C22orf31: variants seen among roughly 807,000 people sequenced by gnomAD.
The protein encoded by C22orf31 is uncharacterized protein C22orf31.
A neutral mutation model predicts 15.0 loss-of-function variants in C22orf31; 11 were observed. The ratio of observed to expected loss-of-function variants is 0.73; its 90% CI spans 0.46 to 1.21. The LOEUF (loss-of-function observed/expected upper bound fraction) is 1.21. Ranked by LOEUF, C22orf31 falls within the 50% of genes most tolerant of loss-of-function variation. The pLI is 0.00. For missense variants in C22orf31, 340 were observed against 347.2 expected (o/e 0.98, Z 0.17); for synonymous variants, 132 against 133.3 (o/e 0.99, Z 0.07).
intron 1 of C22orf31, 110 bp from the exon 2 acceptor site, chr22:29,060,953 TC>T: frequency 1.1e-6 from 1 of 889,880 alleles, no homozygotes; most frequent in Non-Finnish European, 1.7e-6. Context: ...GGCCATTCCT[TC>T]CACCCAGTTC....
rs752604444 is a variant in C22orf31, at chr22:29,059,178, TTACTC to T, written c.433-1_436del. ...TAGTTTTTTCTCCTTTGAACTTTCT[TTACTC>T]TAGCCAGGAAGAAAGCAGAGAAGTC... On this transcript the variant is annotated splice_acceptor_variant and coding_sequence_variant, in exon 3 of 3. Coordinates refer to ENST00000216071, the MANE Select transcript of C22orf31 (RefSeq NM_015370.2). LOFTEE classifies it high-confidence loss of function. The T allele has an allele frequency of 9.4e-6, 15 of 1,601,578 alleles. No individual in the cohort carries two copies. Among genetic ancestry groups the T allele is most frequent in the Middle Eastern group, 1.7e-4 (1 of 6,036 alleles).
the C22orf31 span, chr22:29,073,080 C>A: frequency 1.9e-6 from 1 of 533,396 alleles, no homozygotes; most frequent in Non-Finnish European, 2.4e-6. This position sits in a 1 kb window ranked among gnomAD's most constrained non-coding sequence, Gnocchi z 4.4. Context: ...CGGCTCCCCG[C>A]GCTGCCCCCT....
chr22:29,071,546 G>A, the C22orf31 span, among the ~76,000 whole-genome samples: 6 of 152,112 alleles, frequency 3.9e-5, no homozygotes, highest in Non-Finnish European at 8.8e-5. Flanking sequence ...CACTGGTGCA[G>A]ATGTTCCCGC....
the C22orf31 span, among the ~76,000 whole-genome samples, chr22:29,070,063 A>G: frequency 2.0e-5 from 3 of 149,238 alleles, no homozygotes; most frequent in Admixed American, 2.0e-4. Flanking sequence ...CTCCTGTCTC[A>G]GCCTCCTGAG....
upstream of C22orf31, among the ~76,000 whole-genome samples, chr22:29,064,823 C>T (rs1166418331): frequency 6.7e-6 from 1 of 150,000 alleles, no homozygotes; most frequent in African/African-American, 2.5e-5. Context: ...AGCTGTGAAC[C>T]AACACACCTA....
the C22orf31 span, among the ~76,000 whole-genome samples, chr22:29,069,863 T>A: frequency 6.6e-6 from 1 of 152,066 alleles, no homozygotes; most frequent in African/African-American, 2.4e-5. Flanking sequence ...GCAACCTGTA[T>A]ATCAACATAG....
At chr22:29,060,919 G>A (rs2037384749) in intron 1 of C22orf31, 76 bp from the exon 2 acceptor site, 5 of 1,222,894 alleles carry the variant, frequency 4.1e-6, no homozygotes, top group South Asian at 1.4e-5. Context: ...TACTTTGAAG[G>A]CAAAATATTA....
chr22:29,065,982 A>C (rs1013389484), upstream of C22orf31, among the ~76,000 whole-genome samples: 1 of 152,098 alleles, frequency 6.6e-6, no homozygotes, highest in African/African-American at 2.4e-5. Flanking sequence ...ATTTGCAAAC[A>C]CATCTGTCCT....
At chr22:29,072,986 G>GAGCTGGGCGGGCCGGGGCGGGGC in the C22orf31 span, 1 of 151,850 alleles carries the variant, frequency 6.6e-6, no homozygotes, top group Non-Finnish European at 1.4e-5. Context: ...TGGCGGCGCT[G>GAGCTGGGCGGGCCGGGGCGGGGC]AGCTGGGCGG....
intron 2 of C22orf31, chr22:29,059,905 A>T (rs1405347953): frequency 1.0e-6 from 1 of 985,122 alleles, no homozygotes; most frequent in African/African-American, 1.7e-5. Flanking sequence ...TAAATGATAA[A>T]TAGCATGACC....
chr22:29,067,282 T>G, the C22orf31 span, among the ~76,000 whole-genome samples: 1 of 151,552 alleles, frequency 6.6e-6, no homozygotes, highest in African/African-American at 2.4e-5. Flanking sequence ...ACTGGATTTT[T>G]TATTGTGTTT....
At chr22:29,060,266 C>T in intron 2 of C22orf31, 149 bp downstream of exon 2, 1 of 702,830 alleles carries the variant, frequency 1.4e-6, no homozygotes, top group Non-Finnish European at 2.3e-6. Context: ...TCTCTGAGCT[C>T]AAGTGATCCT....
At chr22:29,066,564 T>C (rs1427724253), upstream of C22orf31, among the ~76,000 whole-genome samples, 44 of 97,682 alleles carry the variant, frequency 4.5e-4, 5 homozygotes, top group South Asian at 2.9e-3. Context: ...TTTTTTTTTT[T>C]TTTTTTTTTT....
upstream of C22orf31, among the ~76,000 whole-genome samples, chr22:29,065,005 C>T (rs1205724384): frequency 1.3e-5 from 2 of 151,834 alleles, no homozygotes; most frequent in Non-Finnish European, 2.9e-5. Context: ...AGGTGTGCAC[C>T]ACCACGCCCG....
chr22:29,061,203 A>G (rs1334682086), intron 1 of C22orf31, among the ~76,000 whole-genome samples: 2 of 152,150 alleles, frequency 1.3e-5, no homozygotes, highest in Non-Finnish European at 2.9e-5. Flanking sequence ...ACACTCAACC[A>G]TGCTGCAACA....
At chr22:29,060,956 A>T in intron 1 of C22orf31, 113 bp from the exon 2 acceptor site, 2 of 886,304 alleles carry the variant, frequency 2.3e-6, no homozygotes, top group South Asian at 1.7e-5. Flanking sequence ...CATTCCTTCC[A>T]CCCAGTTCTT....
At chr22:29,071,420 G>A in the C22orf31 span, among the ~76,000 whole-genome samples, 3 of 151,884 alleles carry the variant, frequency 2.0e-5, no homozygotes, top group Non-Finnish European at 4.4e-5. Context: ...TTGGGGGTAC[G>A]CGGGCTCTGG....
chr22:29,066,212 CTAGTGGAATT>C (rs1179824329), upstream of C22orf31, among the ~76,000 whole-genome samples: 5 of 152,140 alleles, frequency 3.3e-5, no homozygotes, highest in African/African-American at 1.2e-4. Flanking sequence ...CCATGCAATT[CTAGTGGAATT>C]TAGTTGCTTT....
At chr22:29,073,673 G>A in the C22orf31 span, among the ~76,000 whole-genome samples, 1 of 140,978 alleles carries the variant, frequency 7.1e-6, no homozygotes, top group Middle Eastern at 3.9e-3. This position sits in a 1 kb window ranked among gnomAD's most constrained non-coding sequence, Gnocchi z 4.4. Flanking sequence ...GACTTCCCCC[G>A]GGCCGGGACG....
Sources: gnomAD v4.1 joint callset for allele counts (sites outside exome capture counted in the v4.1 genomes callset) on GRCh38, gnomAD v4.1.1 for gene constraint, Gnocchi (gnomAD v3.1) non-coding constraint, MANE v1.5 for transcripts, NCBI Gene and HGNC (gene_info 2026-07-23, HGNC 2026-07-21) for gene names.